The following MECOM variants were observed in gnomAD, a reference collection of about 807,000 sequenced individuals.
MECOM encodes the protein histone-lysine N-methyltransferase MECOM.
In MECOM, 13 loss-of-function variants were observed where a neutral mutation model predicts 116.3. The ratio of observed to expected loss-of-function variants is 0.11; its 90% CI spans 0.07 to 0.18. The LOEUF is 0.18. Among genes scored for constraint, MECOM ranks in the 10% least tolerant of loss-of-function variants. MECOM has a pLI of 1.00. For missense variants in MECOM, 1,299 were observed against 1,509.0 expected (o/e 0.86, Z 2.31); for synonymous variants, 528 against 535.2 (o/e 0.99, Z 0.19).
intron 1 of MECOM, among the ~76,000 whole-genome samples, chr3:169,434,666 A>C (rs1742336549): frequency 6.6e-6 from 1 of 152,202 alleles, no homozygotes; most frequent in Non-Finnish European, 1.5e-5. Context: ...TTACAAAATG[A>C]ACTGGGGTTG....
At chr3:169,352,843 T>C (rs1726587520) in intron 2 of MECOM, among the ~76,000 whole-genome samples, 1 of 151,910 alleles carries the variant, frequency 6.6e-6, no homozygotes. Context: ...ATTAGGGAAA[T>C]AGATGACCTA....
At chr3:169,184,625 C>G (rs1559964911) in intron 2 of MECOM, among the ~76,000 whole-genome samples, 1 of 152,228 alleles carries the variant, frequency 6.6e-6, no homozygotes. Context: ...GTCAATCCAC[C>G]TGGCTTTCCC....
chr3:169,538,723 T>C (rs1042720431), intron 1 of MECOM, among the ~76,000 whole-genome samples: 1 of 152,186 alleles, frequency 6.6e-6, no homozygotes, highest in Non-Finnish European at 1.5e-5. Flanking sequence ...GATTCTCTTG[T>C]AATGTTGAAG....
chr3:169,288,546 C>T (rs1577598649), intron 2 of MECOM, among the ~76,000 whole-genome samples: 2 of 152,146 alleles, frequency 1.3e-5, no homozygotes, highest in African/African-American at 4.8e-5. Flanking sequence ...TTGTCCTGAA[C>T]CAAAACGAGC....
chr3:169,546,012 C>T (rs544337702), intron 1 of MECOM, among the ~76,000 whole-genome samples: 13 of 152,218 alleles, frequency 8.5e-5, no homozygotes, highest in South Asian at 4.2e-4. Flanking sequence ...GTAAAGGAAG[C>T]GCTAGGTTGA....
chr3:169,638,889 A>AG (rs1396854566), intron 1 of MECOM, among the ~76,000 whole-genome samples: 22 of 152,132 alleles, frequency 1.4e-4, no homozygotes, highest in African/African-American at 5.1e-4. Context: ...TTGACCTAGG[A>AG]GGGGTCACAT....
At chr3:169,121,382 A>C (rs9874364) in intron 6 of MECOM, among the ~76,000 whole-genome samples, 173 bp from the exon 7 acceptor site, 5,936 of 152,226 alleles carry the variant, frequency 0.039, 388 homozygotes, top group African/African-American at 0.14. Context: ...TAGGGTAGGA[A>C]CTGTAAATTA....
At chr3:169,135,528 T>G (rs1371222635) in intron 3 of MECOM, among the ~76,000 whole-genome samples, 1 of 152,000 alleles carries the variant, frequency 6.6e-6, no homozygotes, top group Non-Finnish European at 1.5e-5. Flanking sequence ...AATTCCATTT[T>G]TTTAAAAAGT....
chr3:169,630,795 C>A (rs1016910870), intron 1 of MECOM, among the ~76,000 whole-genome samples: 9 of 152,176 alleles, frequency 5.9e-5, no homozygotes, highest in African/African-American at 1.7e-4. Flanking sequence ...GAATCTTTCT[C>A]TACCATGTAC....
intron 1 of MECOM, among the ~76,000 whole-genome samples, chr3:169,517,557 C>T (rs1756790351): frequency 6.6e-6 from 1 of 152,156 alleles, no homozygotes; most frequent in African/African-American, 2.4e-5. Flanking sequence ...TTCTAATAGA[C>T]TATTTTTCTC....
chr3:169,141,187 A>AT (rs1225077346), intron 3 of MECOM, among the ~76,000 whole-genome samples: 1 of 152,060 alleles, frequency 6.6e-6, no homozygotes, highest in Non-Finnish European at 1.5e-5. Flanking sequence ...CTAACTTGCA[A>AT]TTGAAAACTT....
At chr3:169,329,358 G>A (rs1322419149) in intron 2 of MECOM, among the ~76,000 whole-genome samples, 3 of 152,144 alleles carry the variant, frequency 2.0e-5, no homozygotes, top group Non-Finnish European at 4.4e-5. Context: ...TTCCTATAAT[G>A]CTTCTATTTC....
rs1355877795 is a variant in MECOM at position 169,396,335 on chromosome 3, T to C, written c.38-14811A>G. On this transcript the variant is annotated intron_variant, in intron 1 of 16. Coordinates refer to ENST00000651503, the MANE Select transcript of MECOM (RefSeq NM_004991.4). ...GTTTCTTTATTCATATTTGATGCTG[T>C]CATATATGGTACCCAGGAGTCACAT... Among the ~76,000 whole-genome samples the C allele has an allele frequency of 2.0e-5, 3 of 152,328 alleles. No individual in the cohort carries two copies. The East Asian group carries it at 5.8e-4, about 29-fold the overall frequency.
intron 2 of MECOM, among the ~76,000 whole-genome samples, chr3:169,280,863 C>T (rs1057192466): frequency 1.3e-5 from 2 of 152,134 alleles, no homozygotes; most frequent in Non-Finnish European, 2.9e-5. Flanking sequence ...CAGAGAGACA[C>T]AGATGGCTCG....
intron 1 of MECOM, among the ~76,000 whole-genome samples, chr3:169,545,128 A>C (rs1251801940): frequency 6.6e-6 from 1 of 152,214 alleles, no homozygotes; most frequent in East Asian, 1.9e-4. Context: ...ACATGGAAGA[A>C]GGTATTATTT....
intron 1 of MECOM, among the ~76,000 whole-genome samples, chr3:169,655,226 C>T (rs1454501292): frequency 1.3e-5 from 2 of 152,122 alleles, no homozygotes; most frequent in Non-Finnish European, 1.5e-5. Flanking sequence ...GCCACTCCCT[C>T]TTGTTCTGAA....
At position 169,083,795 on chromosome 3, in the gene MECOM, A is replaced by G. The variant is rs906000648; in HGVS notation, c.*1114T>C. On this transcript the variant is annotated 3_prime_UTR_variant, in exon 17 of 17. Coordinates refer to ENST00000651503, the MANE Select transcript of MECOM (RefSeq NM_004991.4). ...TCGCACAAGCTTGCAGACAACCAGC[A>G]TAAAATATGGAGTACAGTTTTTAAT... 4.7e-6 allele frequency: 1 copy of G among 211,560 alleles called. No individual in the cohort carries two copies. The highest frequency in any genetic ancestry group is 2.3e-5 in the African/African-American group (1 of 44,248). The allele number at this position is 211,560 out of a possible 1,614,324, so 13.1% of individuals were successfully genotyped here. A position where few individuals can be genotyped will look rare whatever the true frequency, so the allele number is the denominator to read the frequency against.
At chr3:169,222,846 A>G (rs1282881870) in intron 2 of MECOM, among the ~76,000 whole-genome samples, 1 of 152,248 alleles carries the variant, frequency 6.6e-6, no homozygotes, top group Non-Finnish European at 1.5e-5. Context: ...TCAAATTATC[A>G]TTTTCATAAT....
intron 2 of MECOM, among the ~76,000 whole-genome samples, chr3:169,336,903 G>GTAAT (rs1186147427): frequency 6.6e-6 from 1 of 152,134 alleles, no homozygotes; most frequent in Non-Finnish European, 1.5e-5. Context: ...TTACCACAGT[G>GTAAT]TAATATTTGA....
Sources: gnomAD v4.1 joint callset for allele counts (sites outside exome capture counted in the v4.1 genomes callset) on GRCh38, gnomAD v4.1.1 for gene constraint, MANE v1.5 for transcripts, NCBI Gene and HGNC (gene_info 2026-07-23, HGNC 2026-07-21) for gene names.